Variants in FREM2 observed in about 807,000 individuals in gnomAD.
FREM2 encodes FRAS1-related extracellular matrix protein 2.
A neutral mutation model predicts 219.9 loss-of-function variants in FREM2; 119 were observed. That is an observed-to-expected ratio of 0.54 (90% CI 0.47 to 0.63). The LOEUF is 0.63. FREM2 is among the 30% of genes least tolerant of loss of function. The pLI is 0.00. For missense variants in FREM2, 4,030 were observed against 3,993.6 expected (o/e 1.01, Z -0.25); for synonymous variants, 1,562 against 1,522.8 (o/e 1.03, Z -0.60).
intron 6 of FREM2, among the ~76,000 whole-genome samples, chr13:38,834,352 C>G (rs1007112288): frequency 6.6e-6 from 1 of 152,092 alleles, no homozygotes; most frequent in Non-Finnish European, 1.5e-5. Flanking sequence ...ATGAACTCAT[C>G]CTTTTTATGG....
At chr13:38,736,954 G>C (rs535558612) in intron 2 of FREM2, among the ~76,000 whole-genome samples, 2 of 151,618 alleles carry the variant, frequency 1.3e-5, no homozygotes, top group Non-Finnish European at 2.9e-5. Flanking sequence ...AGTCTCCCTG[G>C]CTCAAATGTT....
chr13:38,806,945 A>G (rs868129154), intron 6 of FREM2, among the ~76,000 whole-genome samples: 2 of 151,310 alleles, frequency 1.3e-5, no homozygotes, highest in Non-Finnish European at 2.9e-5. Context: ...TCAAGAAACC[A>G]CTTTCTTTCC....
chr13:38,862,480 A>G (rs1356406563), intron 15 of FREM2, among the ~76,000 whole-genome samples: 4 of 152,222 alleles, frequency 2.6e-5, no homozygotes, highest in Admixed American at 2.6e-4. Flanking sequence ...ATTTCCTAAA[A>G]GAAAGAGTGG....
intron 2 of FREM2, among the ~76,000 whole-genome samples, chr13:38,743,822 G>T (rs775377944): frequency 6.6e-6 from 1 of 152,006 alleles, no homozygotes; most frequent in African/African-American, 2.4e-5. Context: ...CTGTATCTAC[G>T]TCCCTAGCGT....
Position 38,692,152 on chromosome 13 carries a change from G to A in FREM2, c.4808G>A (p.Ser1603Asn). 6.2e-7 allele frequency: 1 copy of A among 1,614,210 alleles called. No individual in the cohort carries two copies. The highest frequency in any genetic ancestry group is 8.5e-7 in the Non-Finnish European group (1 of 1,180,038). The change falls in exon 1 of 24, where the codon AGC becomes AAC. Residue 1603 changes from serine to asparagine, a missense_variant. Physicochemically the swap from Ser to Asn is conservative, Grantham distance 46. Around this residue, in one of 2 missense-constraint regions of FREM2, gnomAD observed 3,102 missense variants for 2,950.7 expected, o/e 1.05. Coordinates refer to ENST00000280481, the MANE Select transcript of FREM2 (RefSeq NM_207361.6). ...TKQDLNENLI[S>N]YKHDGTESSE... ...CAAGACTTGAATGAAAACTTAATCA[G>A]CTACAAACATGATGGCACTGAGTCA...
At chr13:38,850,914 G>A in intron 9 of FREM2, 30 bp from the exon 10 acceptor site, 1 of 1,607,304 alleles carries the variant, frequency 6.2e-7, no homozygotes, top group Non-Finnish European at 8.5e-7. Flanking sequence ...CCTATGGGAT[G>A]TGATTGACCT....
At chr13:38,798,412 G>C (rs138309760) in intron 6 of FREM2, among the ~76,000 whole-genome samples, 123 of 152,110 alleles carry the variant, frequency 8.1e-4, no homozygotes, top group African/African-American at 2.8e-3. Context: ...AGGGATATTG[G>C]CCTATAGTTT....
intron 2 of FREM2, among the ~76,000 whole-genome samples, chr13:38,727,209 A>G (rs1185130556): frequency 6.6e-6 from 1 of 152,204 alleles, no homozygotes; most frequent in Non-Finnish European, 1.5e-5. Context: ...TTATTATTTC[A>G]TCATAAAAGT....
intron 3 of FREM2, among the ~76,000 whole-genome samples, chr13:38,766,392 T>C (rs1873436817): frequency 6.6e-6 from 1 of 152,170 alleles, no homozygotes; most frequent in South Asian, 2.1e-4. Flanking sequence ...CCTGGGGTGA[T>C]AGAAAATTGG....
At chr13:38,862,311 G>A (rs1877790651) in intron 15 of FREM2, among the ~76,000 whole-genome samples, 1 of 152,192 alleles carries the variant, frequency 6.6e-6, no homozygotes. Context: ...AGATTTTTCT[G>A]GGGATTGGAA....
rs1231389110 is a variant in FREM2 at position 38,837,516 on chromosome 13, A to G, written c.6020-9057A>G. 2.6e-5 allele frequency among the ~76,000 whole-genome samples: 4 copies of G among 152,236 alleles called. No homozygotes were observed. The East Asian group carries it at 7.7e-4, about 29-fold the overall frequency. On this transcript the variant is annotated intron_variant, in intron 6 of 23. Transcript: ENST00000280481. ...TCCTTGTTAATTTTCTGTCTTGTTG[A>G]TCTGTCTAATATTGACAATGGGTGT... is the stretch of plus-strand genomic sequence containing the variant.
At chr13:38,773,777 A>C (rs1593398791) in intron 4 of FREM2, among the ~76,000 whole-genome samples, 1 of 152,096 alleles carries the variant, frequency 6.6e-6, no homozygotes. Flanking sequence ...GAAGGGTTTA[A>C]AGTTCATGAA....
chr13:38,751,864 CTGTG>C (rs59365871), intron 2 of FREM2, among the ~76,000 whole-genome samples: 10,735 of 130,218 alleles, frequency 0.082, 390 homozygotes, highest in African/African-American at 0.13. Context: ...TGTACTTACT[CTGTG>C]TGTGTGTGTG....
rs765049844 is a variant in FREM2, at chr13:38,872,924, T to C, written c.8166T>C (p.Ala2722=). The C allele has an allele frequency of 9.9e-6, 16 of 1,613,772 alleles. No individual in the cohort carries two copies. In the South Asian group the frequency reaches 1.8e-4, roughly 18 times the overall value. The part of the protein sequence containing the change: ...WNDGIGSPPE[A]ELQGSLYPTS... ...ATGGAATTGGCAGCCCCCCAGAGGC[T>C]GAACTTCAAGGTGAGTTCAGAAGAC... The change falls in exon 17 of 24, where the codon GCT becomes GCC. Residue 2722 remains alanine, a synonymous_variant. Coordinates refer to ENST00000280481, the MANE Select transcript of FREM2 (RefSeq NM_207361.6).
intron 1 of FREM2, among the ~76,000 whole-genome samples, chr13:38,692,948 T>C (rs1869957672): frequency 1.3e-5 from 2 of 152,218 alleles, no homozygotes; most frequent in African/African-American, 4.8e-5. Flanking sequence ...TCAATTACCA[T>C]TCCAAAAAAG....
chr13:38,709,009 G>A (rs1038500621), intron 2 of FREM2, among the ~76,000 whole-genome samples: 13 of 152,066 alleles, frequency 8.5e-5, no homozygotes, highest in African/African-American at 2.2e-4. Context: ...ATCCACCTGC[G>A]TTTGCCTCCC....
chr13:38,689,710 C>G lies in FREM2; in HGVS notation c.2366C>G (p.Pro789Arg), dbSNP rs377001164. Residue 789 changes from proline to arginine, a missense_variant, in exon 1 of 24, where the codon CCG (proline) becomes CGG (arginine). Pro to Arg is a moderately radical substitution (Grantham distance 103, BLOSUM62 -2). Coordinates refer to ENST00000280481, the MANE Select transcript of FREM2 (RefSeq NM_207361.6). ...CATCATAAAATTGCTTACAGACCCCCGGGTCAAGAACTGGGCGTGGCTACT... is the reference window on the plus strand; with the variant it reads ...CATCATAAAATTGCTTACAGACCCCGGGGTCAAGAACTGGGCGTGGCTACT... Reference protein sequence around the residue: ...INHHKIAYRPPGQELGVATRV... With the variant: ...INHHKIAYRPRGQELGVATRV... 6 of 1,613,778 alleles carry G rather than the reference C, an allele frequency of 3.7e-6. No individual in the cohort carries two copies. In the African/African-American group the frequency reaches 8.0e-5, roughly 22 times the overall value.
intron 1 of FREM2, among the ~76,000 whole-genome samples, chr13:38,695,306 A>G (rs1037036458): frequency 6.6e-6 from 1 of 152,130 alleles, no homozygotes; most frequent in Non-Finnish European, 1.5e-5. Flanking sequence ...ATGAATTATT[A>G]ATTAATTATA....
intron 6 of FREM2, among the ~76,000 whole-genome samples, chr13:38,829,351 C>G (rs1212758069): frequency 6.6e-6 from 1 of 152,106 alleles, no homozygotes; most frequent in Non-Finnish European, 1.5e-5. Flanking sequence ...TGGGCCTTCT[C>G]CAGAAATGAG....
Sources: allele counts gnomAD v4.1 joint callset (sites outside exome capture counted in the v4.1 genomes callset), GRCh38; gene constraint gnomAD v4.1.1; regional missense constraint gnomAD v4.1.1; transcripts MANE v1.5; gene names NCBI Gene and HGNC (gene_info 2026-07-23, HGNC 2026-07-21).